The following EXOC6B variants were observed in gnomAD, a reference collection of about 807,000 sequenced individuals.
EXOC6B encodes the protein SEC15 homolog B.
In EXOC6B, 54 loss-of-function variants were observed where a neutral mutation model predicts 113.5. The ratio of observed to expected loss-of-function variants is 0.48; its 90% CI spans 0.38 to 0.60. The LOEUF (loss-of-function observed/expected upper bound fraction) is 0.60, where lower values mean the gene tolerates loss of function less well. EXOC6B is among the 20% of genes least tolerant of loss of function. The probability of loss-of-function intolerance (pLI) is 0.00; values close to 1 mark genes in which losing one functional copy is unlikely to be tolerated. For synonymous variants in EXOC6B, 357 were observed against 339.0 expected, an observed-to-expected ratio of 1.05 and a Z score of -0.58; for missense variants, 797 against 977.5, an observed-to-expected ratio of 0.82 and a Z score of 2.46.
At chr2:72,348,638 G>A (rs1689470979) in intron 19 of EXOC6B, among the ~76,000 whole-genome samples, 1 of 152,278 alleles carries the variant, frequency 6.6e-6, no homozygotes, top group East Asian at 1.9e-4. Flanking sequence ...CAGCATATAA[G>A]TTTCAGGATA....
intron 8 of EXOC6B, among the ~76,000 whole-genome samples, chr2:72,544,987 T>C (rs973615281): frequency 6.6e-6 from 1 of 152,104 alleles, no homozygotes; most frequent in African/African-American, 2.4e-5. Context: ...TGACCCCACT[T>C]GTGTTTATAT....
intron 17 of EXOC6B, among the ~76,000 whole-genome samples, chr2:72,479,377 T>C (rs1316780245): frequency 1.3e-5 from 2 of 152,128 alleles, no homozygotes; most frequent in East Asian, 3.9e-4. Flanking sequence ...GCAGTATGAA[T>C]CAAATTTCAT....
chr2:72,248,758 C>G (rs1044852344), intron 20 of EXOC6B, among the ~76,000 whole-genome samples: 1 of 152,212 alleles, frequency 6.6e-6, no homozygotes, highest in Admixed American at 6.5e-5. Flanking sequence ...CAAAAAAAGA[C>G]ACACAGTGGC....
In EXOC6B at chr2:72,538,105, G is replaced by A. The variant is rs545611368; in HGVS notation, c.915+21348C>T. On this transcript the variant is annotated intron_variant, in intron 8 of 21. Coordinates refer to ENST00000272427, the MANE Select transcript of EXOC6B (RefSeq NM_015189.3). ...CCAAAGTAACTAGGACTGCAGGTAC[G>A]TACAACCACAGCCGGCTAATTTTTG... is the stretch of plus-strand genomic sequence containing the variant. Among the ~76,000 whole-genome samples, 5 of 151,794 alleles carry A rather than the reference G, an allele frequency of 3.3e-5. No individual in the cohort carries two copies. In the South Asian group the frequency reaches 1.0e-3, roughly 32 times the overall value.
At chr2:72,316,586 A>C (rs149633086) in intron 20 of EXOC6B, among the ~76,000 whole-genome samples, 3 of 152,344 alleles carry the variant, frequency 2.0e-5, no homozygotes, top group African/African-American at 7.2e-5. Context: ...TCAGAAATTC[A>C]ATCTAGGTCC....
intron 11 of EXOC6B, among the ~76,000 whole-genome samples, chr2:72,509,034 A>G (rs1393347693): frequency 6.6e-6 from 1 of 152,102 alleles, no homozygotes; most frequent in Non-Finnish European, 1.5e-5. Context: ...CAGTATGGCT[A>G]TATTTGGAGA....
chr2:72,246,356 C>A (rs1682657313), intron 20 of EXOC6B, among the ~76,000 whole-genome samples: 1 of 152,098 alleles, frequency 6.6e-6, no homozygotes, highest in African/African-American at 2.4e-5. Flanking sequence ...CTGTTTTATT[C>A]CCTAGAATGG....
intron 8 of EXOC6B, among the ~76,000 whole-genome samples, chr2:72,556,165 T>C (rs1037202000): frequency 1.9e-4 from 29 of 152,216 alleles, no homozygotes; most frequent in Non-Finnish European, 3.8e-4. Context: ...AAGGCATTTT[T>C]CTTGTTGACT....
chr2:72,391,461 G>C (rs762849958), intron 18 of EXOC6B, among the ~76,000 whole-genome samples: 11 of 152,100 alleles, frequency 7.2e-5, no homozygotes, highest in Admixed American at 5.9e-4. Context: ...CTGGCTGTTT[G>C]TAAGACTTTT....
chr2:72,821,842 G>A (rs1242244263), intron 1 of EXOC6B, among the ~76,000 whole-genome samples: 7 of 152,090 alleles, frequency 4.6e-5, no homozygotes, highest in Non-Finnish European at 1.0e-4. Context: ...GTTTCTTTTT[G>A]AGTAATGAAA....
chr2:72,765,037 G>A (rs1425816425), intron 1 of EXOC6B, among the ~76,000 whole-genome samples: 1 of 151,554 alleles, frequency 6.6e-6, no homozygotes, highest in East Asian at 2.0e-4. Flanking sequence ...AGGATTACTT[G>A]AGCCCAAGAG....
At chr2:72,223,461 A>G (rs2096668467) in intron 20 of EXOC6B, among the ~76,000 whole-genome samples, 2 of 152,212 alleles carry the variant, frequency 1.3e-5, no homozygotes. Flanking sequence ...CAGAAGGGTT[A>G]GCATCTCTGA....
chr2:72,631,372 A>G (rs1033226605), intron 6 of EXOC6B, among the ~76,000 whole-genome samples: 1 of 149,060 alleles, frequency 6.7e-6, no homozygotes, highest in African/African-American at 2.5e-5. Context: ...TCCATCCTAC[A>G]TATATATATG....
chr2:72,400,482 TAATC>T (rs1434407817), intron 18 of EXOC6B, among the ~76,000 whole-genome samples: 1 of 151,674 alleles, frequency 6.6e-6, no homozygotes, highest in African/African-American at 2.4e-5. Context: ...GTGAAAGAAA[TAATC>T]AACAGAATAA....
intron 20 of EXOC6B, among the ~76,000 whole-genome samples, chr2:72,199,966 G>A (rs1559008680): frequency 6.6e-6 from 1 of 151,902 alleles, no homozygotes; most frequent in African/African-American, 2.4e-5. Context: ...GCACGATCTC[G>A]GCTCACTGCA....
At chr2:72,292,321 C>T (rs929744078) in intron 20 of EXOC6B, among the ~76,000 whole-genome samples, 7 of 151,838 alleles carry the variant, frequency 4.6e-5, no homozygotes, top group African/African-American at 1.7e-4. Flanking sequence ...ATAGTTCCTG[C>T]TTTTTTAAAA....
chr2:72,822,408 A>G (rs1399877827), intron 1 of EXOC6B, among the ~76,000 whole-genome samples: 1 of 152,220 alleles, frequency 6.6e-6, no homozygotes, highest in Non-Finnish European at 1.5e-5. Flanking sequence ...TTTCAGAATT[A>G]CAATGAAAAA....
chr2:72,742,258 A>G (rs2104817856), intron 1 of EXOC6B, among the ~76,000 whole-genome samples: 1 of 152,332 alleles, frequency 6.6e-6, no homozygotes, highest in South Asian at 2.1e-4. Flanking sequence ...CCTCCTTGGT[A>G]ACATATATTT....
At chr2:72,644,499 A>G (rs1253456354) in intron 6 of EXOC6B, among the ~76,000 whole-genome samples, 8 of 152,192 alleles carry the variant, frequency 5.3e-5, no homozygotes, top group Admixed American at 3.9e-4. Flanking sequence ...GATTCACCAA[A>G]GTTGAAATGA....
Sources: gnomAD v4.1 joint callset for allele counts (sites outside exome capture counted in the v4.1 genomes callset) on GRCh38, gnomAD v4.1.1 for gene constraint, MANE v1.5 for transcripts, NCBI Gene and HGNC (gene_info 2026-07-23, HGNC 2026-07-21) for gene names.